Variants in PAFAH2 observed in about 807,000 individuals in gnomAD.
PAFAH2 encodes platelet activating factor acetylhydrolase 2.
A neutral mutation model predicts 49.0 loss-of-function variants in PAFAH2; 42 were observed. The observed-to-expected ratio is 0.86, with a 90% CI of 0.67 to 1.11. PAFAH2 has a LOEUF of 1.11. Ranked by LOEUF, PAFAH2 falls within the 50% of genes least tolerant of loss-of-function variation. The pLI, the probability that PAFAH2 is intolerant of heterozygous loss-of-function variation, is 0.00. For missense variants in PAFAH2, 503 were observed against 501.8 expected (o/e 1.00, Z -0.02); for synonymous variants, 184 against 181.3 (o/e 1.01, Z -0.12).
chr1:25,980,035 C>A (rs761741409), intron 7 of PAFAH2, among the ~76,000 whole-genome samples: 1 of 152,232 alleles, frequency 6.6e-6, no homozygotes, highest in African/African-American at 2.4e-5. Flanking sequence ...ATTCCAGGGT[C>A]TGCCTTACCT....
Position 25,988,235 on chromosome 1 carries a change from A to G in PAFAH2, c.337T>C (p.Phe113Leu). The G allele has an allele frequency of 6.3e-7, 1 of 1,593,670 alleles. No homozygotes were observed. Among genetic ancestry groups the G allele is most frequent in the Non-Finnish European group, 8.5e-7 (1 of 1,169,882 alleles). ...CTGGGGGAAAGAAGCTCTTACCTGA[A>G]GGCTCCTAGGCCATGGGAGAAGATG... ...LIIFSHGLGA[F>L]RTLYSAFCME... Residue 113 changes from phenylalanine to leucine, a missense_variant, in exon 4 of 11, where the codon TTC becomes CTC. Transcript: ENST00000374282.
intron 3 of PAFAH2, 99 bp from the exon 4 acceptor site, chr1:25,988,426 C>T: frequency 1.2e-6 from 1 of 807,580 alleles, no homozygotes; most frequent in South Asian, 1.5e-5. Flanking sequence ...TGTTTCTCCC[C>T]TCTGGAGAAC....
rs143439136 is a variant in PAFAH2, at chr1:25,984,059, A to G, written c.439T>C (p.Cys147Arg). The G allele has an allele frequency of 5.0e-6, 8 of 1,613,972 alleles. No homozygotes were observed. The highest frequency in any genetic ancestry group is 2.7e-5 in the African/African-American group (2 of 74,902). ...RDRSAATTYFCKQAPEENQPT... is the reference protein window; with the variant it reads ...RDRSAATTYFRKQAPEENQPT... ...TGGTTCTCTTCTGGGGCCTGCTTGCAGAAATAGGTGGTTGCCGCTGACCGG... is the reference window on the plus strand; with the variant it reads ...TGGTTCTCTTCTGGGGCCTGCTTGCGGAAATAGGTGGTTGCCGCTGACCGG... Residue 147 changes from cysteine (C) to arginine (R), a missense_variant, in exon 6 of 11, where the codon TGC becomes CGC. Physicochemically the swap from Cys to Arg is radical, Grantham distance 180. Coordinates refer to ENST00000374282, the MANE Select transcript of PAFAH2 (RefSeq NM_000437.4).
intron 10 of PAFAH2, among the ~76,000 whole-genome samples, chr1:25,966,544 C>T (rs1572339831): frequency 6.6e-6 from 1 of 152,130 alleles, no homozygotes. Flanking sequence ...CGAATGCTGT[C>T]ACTTATAAGT....
intron 6 of PAFAH2, 124 bp from the exon 7 acceptor site, chr1:25,982,601 C>G: frequency 1.4e-6 from 1 of 689,670 alleles, no homozygotes; most frequent in Admixed American, 2.3e-5. Flanking sequence ...CAGCAAGCAC[C>G]TTGGGTGCCA....
intron 10 of PAFAH2, among the ~76,000 whole-genome samples, chr1:25,962,775 T>C (rs146660072): frequency 4.0e-4 from 60 of 149,124 alleles, no homozygotes; most frequent in Non-Finnish European, 7.1e-4. Flanking sequence ...TGAGCTGTGA[T>C]AATGCCACTG....
chr1:25,991,304 C>T (rs995203526), intron 1 of PAFAH2, among the ~76,000 whole-genome samples: 7 of 151,356 alleles, frequency 4.6e-5, no homozygotes, highest in Non-Finnish European at 7.4e-5. Context: ...TTTTTTGAGA[C>T]GGAGTCTCGC....
intron 7 of PAFAH2, among the ~76,000 whole-genome samples, chr1:25,980,028 C>G (rs530529999): frequency 2.0e-5 from 3 of 152,300 alleles, no homozygotes; most frequent in Admixed American, 2.0e-4. Flanking sequence ...ACTCTAGATT[C>G]CAGGGTCTGC....
rs983194322 is a variant in PAFAH2 at position 25,990,806 on chromosome 1, T to C, written c.11A>G (p.Asn4Ser). 4 of 1,613,914 alleles carry C rather than the reference T, an allele frequency of 2.5e-6. No individual in the cohort carries two copies. The highest frequency in any genetic ancestry group is 2.2e-5 in the South Asian group (2 of 91,036). MGVNQSVGFPPVTG... is the reference protein window; with the variant it reads MGVSQSVGFPPVTG... ...GACAGGTGGAAAGCCCACAGACTGG[T>C]TGACCCCCATTTCATCACCGGGTGA... The change falls in exon 2 of 11, where the codon AAC becomes AGC. Residue 4 changes from asparagine (N) to serine (S), a missense_variant. Physicochemically the swap from Asn to Ser is conservative, Grantham distance 46. Transcript: ENST00000374282.
At chr1:25,973,865 C>T (rs1222225261) in intron 9 of PAFAH2, among the ~76,000 whole-genome samples, 1 of 152,126 alleles carries the variant, frequency 6.6e-6, no homozygotes, top group African/African-American at 2.4e-5. Flanking sequence ...GATCTCAGCC[C>T]GACATCTGTG....
chr1:25,966,882 A>G (rs192904889), intron 10 of PAFAH2, among the ~76,000 whole-genome samples: 1 of 152,110 alleles, frequency 6.6e-6, no homozygotes, highest in East Asian at 1.9e-4. Context: ...ATACAAAAAA[A>G]TTAGTCGGGC....
At chr1:25,994,123 C>A (rs1002676486) in intron 1 of PAFAH2, among the ~76,000 whole-genome samples, 3 of 150,542 alleles carry the variant, frequency 2.0e-5, no homozygotes, top group African/African-American at 7.3e-5. Flanking sequence ...ATTGGAGGCC[C>A]AGCTCATTTG....
Position 25,984,365 on chromosome 1 carries a change from G to A in PAFAH2, c.410+95C>T, listed in dbSNP as rs1248025544. ...AAAGTGGTATAATGCTGGCTTGCAC[G>A]GTTGTCGAGAGGGTTAGAAATAGTA... is the stretch of plus-strand genomic sequence containing the variant. On this transcript the variant is annotated intron_variant, in intron 5 of 10. Coordinates refer to ENST00000374282, the MANE Select transcript of PAFAH2 (RefSeq NM_000437.4). The A allele has an allele frequency of 3.1e-5, 29 of 943,568 alleles. No homozygotes were observed. The East Asian group carries it at 5.7e-4, about 18-fold the overall frequency. The allele number at this position is 943,568 out of a possible 1,614,324, so 58.4% of individuals were successfully genotyped here. A position where few individuals can be genotyped will look rare whatever the true frequency, so the allele number is the denominator to read the frequency against.
intron 4 of PAFAH2, among the ~76,000 whole-genome samples, chr1:25,985,602 G>A (rs1163187997): frequency 1.3e-5 from 2 of 152,182 alleles, no homozygotes; most frequent in South Asian, 2.1e-4. Context: ...TGGCCTAGGA[G>A]GAAAAGGTTT....
At chr1:25,990,108 A>G (rs979754311) in intron 2 of PAFAH2, among the ~76,000 whole-genome samples, 6 of 152,092 alleles carry the variant, frequency 3.9e-5, no homozygotes, top group African/African-American at 1.4e-4. Flanking sequence ...GCAGAGAAAG[A>G]CCTAGGAACT....
chr1:25,985,921 A>G (rs1217450755), intron 4 of PAFAH2, among the ~76,000 whole-genome samples: 1 of 152,234 alleles, frequency 6.6e-6, no homozygotes, highest in African/African-American at 2.4e-5. Context: ...GGTGCTCCAC[A>G]GATGTCTGCT....
At chr1:25,965,855 G>A (rs2049412796) in intron 10 of PAFAH2, among the ~76,000 whole-genome samples, 2 of 111,912 alleles carry the variant, frequency 1.8e-5, no homozygotes, top group African/African-American at 6.2e-5. Context: ...GAATCTACAA[G>A]GAACTCAAAC....
At chr1:25,975,758 GC>G (rs1237785918) in intron 8 of PAFAH2, among the ~76,000 whole-genome samples, 5 of 152,120 alleles carry the variant, frequency 3.3e-5, no homozygotes, top group Admixed American at 2.6e-4. Context: ...TCTCTAATGA[GC>G]CTCTAGGCTT....
chr1:25,962,063 G>C lies in PAFAH2; in HGVS notation c.1105C>G (p.Gln369Glu). The change falls in exon 11 of 11, where the codon CAA becomes GAA. Residue 369 changes from glutamine to glutamate, a missense_variant. Transcript: ENST00000374282. ...ATGCCTTCAATAAGGTTGTTCCATT[G>C]ATTATAGTCTTCTTTCAGGTCTGAA... ...KHLDLKEDYNQWNNLIEGIGP... is the reference protein window; with the variant it reads ...KHLDLKEDYNEWNNLIEGIGP... The C allele has an allele frequency of 6.2e-7, 1 of 1,613,640 alleles. No individual in the cohort carries two copies. Among genetic ancestry groups the C allele is most frequent in the Non-Finnish European group, 8.5e-7 (1 of 1,179,732 alleles).
Sources: allele counts gnomAD v4.1 joint callset (sites outside exome capture counted in the v4.1 genomes callset), GRCh38; gene constraint gnomAD v4.1.1; transcripts MANE v1.5; gene names NCBI Gene and HGNC (gene_info 2026-07-23, HGNC 2026-07-21).